ME3: variants seen among roughly 807,000 people sequenced by gnomAD.
The protein encoded by ME3 is NADP-dependent malic enzyme, mitochondrial.
ME3 carries 48 observed loss-of-function variants against 68.9 expected under a neutral mutation model. The observed-to-expected ratio is 0.70, with a 90% CI of 0.55 to 0.89. The LOEUF (loss-of-function observed/expected upper bound fraction) is 0.89. ME3 is among the 40% of genes least tolerant of loss of function. The pLI is 0.00. For missense variants in ME3, 675 were observed against 797.4 expected, an observed-to-expected ratio of 0.85 and a Z score of 1.85; for synonymous variants, 320 against 318.8, an observed-to-expected ratio of 1.00 and a Z score of -0.04.
rs111447272 is a variant in ME3, at chr11:86,605,181, T to C, written c.184-45358A>G. ...CCATGTTGTATCATGTATCAGTACT[T>C]CATTGCTTTTTATGCCTGATTAATA... On this transcript the variant is annotated intron_variant, in intron 2 of 14. Transcript: ENST00000543262. Among the ~76,000 whole-genome samples the C allele has an allele frequency of 4.4e-3, 669 of 152,378 alleles. 4 individuals carry two copies. The highest frequency in any genetic ancestry group is 0.015 in the African/African-American group (609 of 41,594).
At chr11:86,638,085 C>CT (rs1313508902) in intron 2 of ME3, among the ~76,000 whole-genome samples, 1 of 152,106 alleles carries the variant, frequency 6.6e-6, no homozygotes, top group Admixed American at 6.5e-5. Context: ...AGGAGCCCCC[C>CT]AGGCCTGGCT....
At chr11:86,451,549 T>C (rs1949633872) in intron 8 of ME3, among the ~76,000 whole-genome samples, 1 of 152,218 alleles carries the variant, frequency 6.6e-6, no homozygotes, top group African/African-American at 2.4e-5. Context: ...ACTGTTACTG[T>C]TGAATGATTA....
At chr11:86,469,989 G>A (rs974557898) in intron 7 of ME3, among the ~76,000 whole-genome samples, 6 of 152,110 alleles carry the variant, frequency 3.9e-5, no homozygotes, top group Admixed American at 3.9e-4. Context: ...GCCAGCACCT[G>A]CCACCTGGGA....
chr11:86,635,156 T>C lies in ME3; in HGVS notation c.183+36606A>G, dbSNP rs1009639577. On this transcript the variant is annotated intron_variant, in intron 2 of 14. Transcript: ENST00000543262. ...CCCTACAAAAATTAGCCAGGCGTGG[T>C]AGTGCACACCTGTAGTCACAGCTAC... Among the ~76,000 whole-genome samples the C allele has an allele frequency of 4.6e-5, 7 of 152,262 alleles. No individual in the cohort carries two copies. The East Asian group carries it at 1.4e-3, about 29-fold the overall frequency.
chr11:86,493,250 G>C (rs984639476), intron 6 of ME3, among the ~76,000 whole-genome samples: 1 of 152,174 alleles, frequency 6.6e-6, no homozygotes, highest in Non-Finnish European at 1.5e-5. Flanking sequence ...TCCCATGTTT[G>C]TTTCCCTAAC....
At chr11:86,552,401 C>A (rs996324314) in intron 4 of ME3, among the ~76,000 whole-genome samples, 7 of 152,158 alleles carry the variant, frequency 4.6e-5, no homozygotes, top group African/African-American at 1.4e-4. Flanking sequence ...CATTGGGCTT[C>A]CCTCCCTGTC....
intron 2 of ME3, among the ~76,000 whole-genome samples, chr11:86,567,074 A>G (rs1484875670): frequency 6.6e-6 from 1 of 152,012 alleles, no homozygotes; most frequent in East Asian, 1.9e-4. Context: ...AAAATTAGTC[A>G]GGCATGGTGG....
chr11:86,460,943 C>T (rs527252737), intron 8 of ME3, among the ~76,000 whole-genome samples: 1 of 152,322 alleles, frequency 6.6e-6, no homozygotes, highest in African/African-American at 2.4e-5. Context: ...GGCCTGGACC[C>T]ATCCCTAACC....
At chr11:86,601,243 A>G (rs1471857446) in intron 2 of ME3, among the ~76,000 whole-genome samples, 96 of 152,314 alleles carry the variant, frequency 6.3e-4, no homozygotes, top group Middle Eastern at 3.4e-3. Flanking sequence ...AGAATCAAAT[A>G]GATGCAATAA....
intron 8 of ME3, among the ~76,000 whole-genome samples, chr11:86,453,800 C>T (rs375932416): frequency 6.6e-5 from 10 of 152,190 alleles, no homozygotes; most frequent in Non-Finnish European, 1.2e-4. Flanking sequence ...GAAGTTGAAC[C>T]CGGTTTGCAG....
chr11:86,514,681 T>C (rs1953764976), intron 4 of ME3, among the ~76,000 whole-genome samples: 1 of 152,222 alleles, frequency 6.6e-6, no homozygotes, highest in African/African-American at 2.4e-5. Context: ...ACTTCCCTTC[T>C]TCAAGCTTCA....
chr11:86,638,537 G>A (rs1945142), intron 2 of ME3, among the ~76,000 whole-genome samples: 25,616 of 152,194 alleles, frequency 0.17, 2,257 homozygotes, highest in Non-Finnish European at 0.19. Flanking sequence ...CATGTGAAGT[G>A]TAGGCTAAGG....
rs78521132 is a variant in ME3 at position 86,608,535 on chromosome 11, T to C, written c.184-48712A>G. On this transcript the variant is annotated intron_variant, in intron 2 of 14. Transcript: ENST00000543262. ...ATGCCGTTTTGCTCAGTCAGAGCAA[T>C]GGACTCAAATTCCCTCTCAGCTCCC... Among the ~76,000 whole-genome samples, 166 of 152,286 alleles carry C rather than the reference T, an allele frequency of 1.1e-3. 1 individual carries two copies. Among genetic ancestry groups the C allele is most frequent in the African/African-American group, 3.9e-3 (164 of 41,580 alleles).
chr11:86,567,411 T>C (rs1003978672), intron 2 of ME3, among the ~76,000 whole-genome samples: 6 of 152,324 alleles, frequency 3.9e-5, no homozygotes, highest in African/African-American at 1.4e-4. Context: ...GGACAACTTA[T>C]CATAAAAGAG....
At chr11:86,531,568 T>C (rs554492187) in intron 4 of ME3, among the ~76,000 whole-genome samples, 1 of 152,344 alleles carries the variant, frequency 6.6e-6, no homozygotes, top group Admixed American at 6.5e-5. Flanking sequence ...ATTGTGGCAC[T>C]ATTCAGAATA....
chr11:86,461,929 G>A (rs1950243185), intron 8 of ME3, among the ~76,000 whole-genome samples: 1 of 152,168 alleles, frequency 6.6e-6, no homozygotes, highest in African/African-American at 2.4e-5. Flanking sequence ...AAAAGAATGG[G>A]AAGTCCTTCT....
At chr11:86,610,982 T>C (rs1342310898) in intron 2 of ME3, among the ~76,000 whole-genome samples, 2 of 152,160 alleles carry the variant, frequency 1.3e-5, no homozygotes, top group South Asian at 4.1e-4. Context: ...ACTCCAGATA[T>C]CACTTCAAGC....
At chr11:86,500,898 CT>C (rs1952679662) in intron 5 of ME3, among the ~76,000 whole-genome samples, 2 of 152,264 alleles carry the variant, frequency 1.3e-5, no homozygotes, top group South Asian at 4.2e-4. Flanking sequence ...CCCTTCCTGT[CT>C]GCTTGCCTGC....
At chr11:86,470,092 G>A (rs899210847) in intron 7 of ME3, among the ~76,000 whole-genome samples, 2 of 152,174 alleles carry the variant, frequency 1.3e-5, no homozygotes, top group African/African-American at 4.8e-5. Flanking sequence ...TGTTGGTGGT[G>A]CAGAGCATTC....
Sources: gnomAD v4.1 joint callset for allele counts (sites outside exome capture counted in the v4.1 genomes callset) on GRCh38, gnomAD v4.1.1 for gene constraint, MANE v1.5 for transcripts, NCBI Gene and HGNC (gene_info 2026-07-23, HGNC 2026-07-21) for gene names.